Variants in APBB2 observed in about 807,000 individuals in gnomAD.
APBB2 encodes the protein amyloid beta precursor protein binding family B member 2.
A neutral mutation model predicts 82.5 loss-of-function variants in APBB2; 38 were observed. The observed-to-expected ratio is 0.46, with a 90% confidence interval of 0.36 to 0.60. The LOEUF (loss-of-function observed/expected upper bound fraction) is 0.60, where lower values mean the gene tolerates loss of function less well. Among genes scored for constraint, APBB2 ranks in the 20% least tolerant of loss-of-function variants. The probability of loss-of-function intolerance (pLI) is 0.00; values close to 1 mark genes in which losing one functional copy is unlikely to be tolerated. For synonymous variants in APBB2, 341 were observed against 368.2 expected, an observed-to-expected ratio of 0.93 and a Z score of 0.85; for missense variants, 772 against 972.3, an observed-to-expected ratio of 0.79 and a Z score of 2.74.
rs889376547 is a variant in APBB2 at position 40,826,931 on chromosome 4, T to A, written c.1732+201A>T. The A allele has an allele frequency of 1.9e-6, 1 of 515,492 alleles. No individual in the cohort carries two copies. The highest frequency in any genetic ancestry group is 2.0e-5 in the African/African-American group (1 of 51,096). The allele number at this position is 515,492 out of a possible 1,614,324, so 31.9% of individuals were successfully genotyped here. ...TCTTGTCCAATAACAACAAAACTCA[T>A]CCTGGCTTTATGCCTAACCCTAGTG... is the stretch of plus-strand genomic sequence containing the variant. On this transcript the variant is annotated intron_variant, in intron 14 of 17. Transcript: ENST00000508593. The surrounding 1 kb of genome is among the most constrained non-coding windows in gnomAD (Gnocchi z 4.5).
At position 41,203,713 on chromosome 4, in the gene APBB2, C is replaced by A. The variant is rs998028625; in HGVS notation, c.-417+10692G>T. ...TCCAGGAGCTGTAAGCCCCAATTCT[C>A]CCCAGTACTCCAGGCCTGGTTCCCT... is the stretch of plus-strand genomic sequence containing the variant. On this transcript the variant is annotated intron_variant, in intron 1 of 17. Transcript: ENST00000508593. Among the ~76,000 whole-genome samples, 5 of 152,154 alleles carry A rather than the reference C, an allele frequency of 3.3e-5. No homozygotes were observed. In the East Asian group the frequency reaches 9.6e-4, roughly 29 times the overall value.
intron 6 of APBB2, among the ~76,000 whole-genome samples, chr4:40,998,612 A>G (rs1804286145): frequency 6.6e-6 from 1 of 152,244 alleles, no homozygotes; most frequent in Admixed American, 6.5e-5. Flanking sequence ...TTACTGAGAT[A>G]CACTAAGGAT....
chr4:41,005,481 T>A (rs937385545), intron 6 of APBB2, among the ~76,000 whole-genome samples: 3 of 152,112 alleles, frequency 2.0e-5, no homozygotes, highest in Non-Finnish European at 4.4e-5. Context: ...GACCAGAAAA[T>A]TTCTGAAAGT....
rs1752361853 is a variant in APBB2 at position 40,832,491 on chromosome 4, CA to C, written c.1530-1915del. ...CCTCACGTTCTAGCTCAGTGTCCTC[CA>C]TGCTAGAACCGGACTCCCCCTGCCT... On this transcript the variant is annotated intron_variant, in intron 12 of 17. Coordinates refer to ENST00000508593, the MANE Select transcript of APBB2 (RefSeq NM_004307.2). The surrounding 1 kb of genome is among the most constrained non-coding windows in gnomAD (Gnocchi z 4.8). Among the ~76,000 whole-genome samples, 1 of 152,192 alleles carries C rather than the reference CA, an allele frequency of 6.6e-6. No homozygotes were observed. The highest frequency in any genetic ancestry group is 2.1e-4 in the South Asian group (1 of 4,830).
intron 5 of APBB2, among the ~76,000 whole-genome samples, chr4:41,017,680 A>G (rs1216404977): frequency 6.6e-6 from 1 of 152,186 alleles, no homozygotes; most frequent in Non-Finnish European, 1.5e-5. Flanking sequence ...ACTACTTTGT[A>G]CGCAAGTAAT....
intron 1 of APBB2, chr4:41,193,624 C>T: frequency 1.0e-6 from 1 of 954,216 alleles, no homozygotes; most frequent in South Asian, 4.8e-5. Context: ...CTGCTGTTTT[C>T]TGCATTATTA....
intron 6 of APBB2, among the ~76,000 whole-genome samples, chr4:40,990,650 C>G (rs111517823): frequency 6.6e-6 from 1 of 152,180 alleles, no homozygotes; most frequent in Non-Finnish European, 1.5e-5. Flanking sequence ...TTCACCCCAA[C>G]GTAACCCAGA....
At chr4:40,924,040 T>G (rs1578466901) in intron 10 of APBB2, among the ~76,000 whole-genome samples, 1 of 152,208 alleles carries the variant, frequency 6.6e-6, no homozygotes, top group Non-Finnish European at 1.5e-5. Flanking sequence ...AAAAGCAGGA[T>G]GGACAAGGGT....
intron 1 of APBB2, among the ~76,000 whole-genome samples, chr4:41,153,274 T>C (rs141097068): frequency 6.6e-6 from 1 of 152,264 alleles, no homozygotes; most frequent in East Asian, 1.9e-4. Context: ...GTCTCAGAAA[T>C]ACATTAAAAA....
intron 6 of APBB2, among the ~76,000 whole-genome samples, chr4:40,963,875 G>A (rs1407311735): frequency 2.0e-5 from 3 of 152,182 alleles, no homozygotes; most frequent in Non-Finnish European, 4.4e-5. Context: ...TGAATGAACT[G>A]AGTGCATTTA....
At chr4:40,926,450 ATT>A (rs199837698) in intron 10 of APBB2, among the ~76,000 whole-genome samples, 1 of 146,538 alleles carries the variant, frequency 6.8e-6, no homozygotes, top group African/African-American at 2.5e-5. Flanking sequence ...TGCCAAAATG[ATT>A]TTTTTTTTTT....
At chr4:41,041,009 C>T (rs930264480) in intron 4 of APBB2, among the ~76,000 whole-genome samples, 2 of 152,026 alleles carry the variant, frequency 1.3e-5, no homozygotes, top group Admixed American at 6.6e-5. Context: ...GCCTCTCGAG[C>T]AGCTGGGACT....
chr4:41,055,060 G>A (rs761311199), intron 4 of APBB2, among the ~76,000 whole-genome samples: 103 of 152,116 alleles, frequency 6.8e-4, no homozygotes, highest in Non-Finnish European at 1.2e-3. Flanking sequence ...TCTCCCACCA[G>A]GTCCCACCAC....
At position 40,811,711 on chromosome 4, in the gene APBB2, C is replaced by A. The variant is rs188650494; in HGVS notation, c.*4381G>T. The A allele has an allele frequency of 2.0e-5, 3 of 152,230 alleles. No individual in the cohort carries two copies. Among genetic ancestry groups the A allele is most frequent in the Admixed American group, 6.5e-5 (1 of 15,286 alleles). 9.4% of individuals were successfully genotyped at this position (152,230 alleles called of 1,614,324 possible). On this transcript the variant is annotated 3_prime_UTR_variant, in exon 18 of 18. Transcript: ENST00000508593. ...TATTCAGATACTCCAATAGCAAACA[C>A]ATTTTTAATCTGAAATTATTTACCA...
chr4:40,942,789 G>T (rs1787387414), intron 7 of APBB2, among the ~76,000 whole-genome samples: 2 of 152,158 alleles, frequency 1.3e-5, no homozygotes, highest in Admixed American at 1.3e-4. Flanking sequence ...GCTCCAGGAA[G>T]GGGAGAGATG....
At chr4:41,070,718 T>C (rs766960183) in intron 3 of APBB2, among the ~76,000 whole-genome samples, 5 of 152,196 alleles carry the variant, frequency 3.3e-5, no homozygotes, top group Non-Finnish European at 7.3e-5. Flanking sequence ...CCACGTGACA[T>C]TTTTCTGAAC....
chr4:40,924,373 A>G (rs1782083637), intron 10 of APBB2, among the ~76,000 whole-genome samples: 1 of 152,210 alleles, frequency 6.6e-6, no homozygotes, highest in African/African-American at 2.4e-5. Context: ...AGATGGCTGC[A>G]TTAAAACCTC....
At chr4:40,947,593 G>A (rs1391662867) in intron 6 of APBB2, among the ~76,000 whole-genome samples, 2 of 152,204 alleles carry the variant, frequency 1.3e-5, no homozygotes, top group South Asian at 2.1e-4. Flanking sequence ...CTAAGCTTAC[G>A]CTGAGATTTT....
chr4:40,877,012 G>A (rs1767087730), intron 12 of APBB2, among the ~76,000 whole-genome samples: 1 of 152,248 alleles, frequency 6.6e-6, no homozygotes, highest in Non-Finnish European at 1.5e-5. Flanking sequence ...TGGGTGGGGA[G>A]GACCCACAGG....
Sources: allele counts gnomAD v4.1 joint callset (sites outside exome capture counted in the v4.1 genomes callset), GRCh38; gene constraint gnomAD v4.1.1; non-coding constraint Gnocchi (gnomAD v3.1); transcripts MANE v1.5; gene names NCBI Gene and HGNC (gene_info 2026-07-23, HGNC 2026-07-21).